TRMT11: variants seen among roughly 807,000 people sequenced by gnomAD.
The protein encoded by TRMT11 is tRNA methyltransferase 11.
TRMT11 carries 53 observed loss-of-function variants against 62.8 expected under a neutral mutation model. That is an observed-to-expected ratio of 0.84 (90% CI 0.68 to 1.06). TRMT11 has a LOEUF of 1.06. Ranked by LOEUF, TRMT11 falls within the 50% of genes least tolerant of loss-of-function variation. The pLI is 0.00. For synonymous variants in TRMT11, 188 were observed against 190.3 expected (o/e 0.99, Z 0.10); for missense variants, 556 against 553.4 (o/e 1.00, Z -0.05).
chr6:126,136,203 AT>A lies in TRMT11; in HGVS notation c.*1823+20357del, dbSNP rs578053238. ...GAAAGCAGGAAGTCAAATTATTATT[AT>A]TTTTTTTTGCAGAAGACTTGATCTT... is the stretch of plus-strand genomic sequence containing the variant. On this transcript the variant is annotated intron_variant and NMD_transcript_variant, in intron 21 of 22. Transcript: ENST00000648977. 2.1e-4 allele frequency among the ~76,000 whole-genome samples: 32 copies of A among 150,402 alleles called. No homozygotes were observed. In the South Asian group the frequency reaches 2.7e-3, roughly 13 times the overall value.
At chr6:126,233,267 T>C in the TRMT11 span, among the ~76,000 whole-genome samples, 1 of 152,198 alleles carries the variant, frequency 6.6e-6, no homozygotes, top group Non-Finnish European at 1.5e-5. Context: ...CAATATTAAC[T>C]ACTACAAGTT....
intron 21 of TRMT11, among the ~76,000 whole-genome samples, chr6:126,127,499 T>A (rs570420823): frequency 6.6e-6 from 1 of 152,220 alleles, no homozygotes; most frequent in African/African-American, 2.4e-5. Flanking sequence ...TTTTTTTTAA[T>A]TATACTTTAA....
chr6:126,110,439 AATTAC>A (rs1475208766), intron 17 of TRMT11, among the ~76,000 whole-genome samples: 1 of 152,164 alleles, frequency 6.6e-6, no homozygotes, highest in Non-Finnish European at 1.5e-5. Context: ...ACCAGAATAA[AATTAC>A]ATTAGAAAAT....
At chr6:126,243,563 A>C in the TRMT11 span, among the ~76,000 whole-genome samples, 1 of 152,224 alleles carries the variant, frequency 6.6e-6, no homozygotes, top group South Asian at 2.1e-4. Flanking sequence ...AGACTGGATT[A>C]AGAAAATGTG....
At chr6:126,143,072 T>C (rs955210469) in intron 21 of TRMT11, among the ~76,000 whole-genome samples, 5 of 152,062 alleles carry the variant, frequency 3.3e-5, no homozygotes, top group African/African-American at 1.2e-4. Context: ...TCAGAATAAA[T>C]AGACATTCAG....
chr6:126,240,291 T>C, the TRMT11 span, among the ~76,000 whole-genome samples: 2 of 152,230 alleles, frequency 1.3e-5, no homozygotes, highest in Non-Finnish European at 2.9e-5. Context: ...TGCTTTGATT[T>C]TTAGAGTTTC....
rs565209691 is a variant in TRMT11 at position 126,108,608 on chromosome 6, A to C, written c.*1438-4258A>C. 1.2e-4 allele frequency among the ~76,000 whole-genome samples: 19 copies of C among 152,314 alleles called. No individual in the cohort carries two copies. In the South Asian group the frequency reaches 3.7e-3, roughly 30 times the overall value. On this transcript the variant is annotated intron_variant and NMD_transcript_variant, in intron 17 of 22. Transcript: ENST00000648977. ...AAGAGCTGGAAATTGCACCCCAACA[A>C]TCCACTCTTCACTGAGCTGCACTCC...
At chr6:126,244,610 G>A in the TRMT11 span, among the ~76,000 whole-genome samples, 3 of 152,186 alleles carry the variant, frequency 2.0e-5, no homozygotes, top group South Asian at 2.1e-4. Flanking sequence ...TATCCACTTA[G>A]GGACGGATGG....
At chr6:126,010,592 A>G (rs1014042733) in intron 8 of TRMT11, among the ~76,000 whole-genome samples, 1 of 152,084 alleles carries the variant, frequency 6.6e-6, no homozygotes, top group Non-Finnish European at 1.5e-5. Flanking sequence ...TACCTGCTGA[A>G]TGTCCCCACT....
At chr6:126,081,621 A>G (rs1298514182) in intron 17 of TRMT11, among the ~76,000 whole-genome samples, 4 of 152,160 alleles carry the variant, frequency 2.6e-5, no homozygotes, top group East Asian at 1.9e-4. Context: ...ACCATGAATA[A>G]AGAGGTAAAA....
At chr6:126,155,885 T>C (rs916030849) in intron 21 of TRMT11, among the ~76,000 whole-genome samples, 5 of 151,476 alleles carry the variant, frequency 3.3e-5, no homozygotes, top group Non-Finnish European at 5.9e-5. Flanking sequence ...CATGCCCGGG[T>C]AATTTTTTTT....
At chr6:126,232,927 T>C in the TRMT11 span, among the ~76,000 whole-genome samples, 2 of 152,202 alleles carry the variant, frequency 1.3e-5, no homozygotes, top group Non-Finnish European at 2.9e-5. Context: ...CATTAAATGT[T>C]TCATTTTTTT....
intron 7 of TRMT11, among the ~76,000 whole-genome samples, chr6:126,004,858 CTAAA>C (rs1793115109): frequency 6.6e-6 from 1 of 152,006 alleles, no homozygotes; most frequent in South Asian, 2.1e-4. Flanking sequence ...CTTTTCATGC[CTAAA>C]TACTTTTCCT....
intron 1 of TRMT11, among the ~76,000 whole-genome samples, chr6:126,194,975 G>A (rs1243400679): frequency 6.6e-6 from 1 of 152,112 alleles, no homozygotes; most frequent in Non-Finnish European, 1.5e-5. Context: ...AATTAGCTGG[G>A]TGTGGTGGCA....
chr6:126,100,448 G>C (rs1298766719), intron 17 of TRMT11, among the ~76,000 whole-genome samples: 1 of 151,776 alleles, frequency 6.6e-6, no homozygotes. Flanking sequence ...TTCTTAGCTC[G>C]TTATTGTGTT....
chr6:126,178,940 A>G (rs966672800), intron 1 of TRMT11, among the ~76,000 whole-genome samples: 19 of 152,154 alleles, frequency 1.2e-4, no homozygotes, highest in Admixed American at 1.3e-4. Flanking sequence ...TCTTTAGATA[A>G]TTCTCTTTAT....
In TRMT11 at chr6:126,088,114, G is replaced by A. The variant is rs115305225; in HGVS notation, c.*1438-24752G>A. On this transcript the variant is annotated intron_variant and NMD_transcript_variant, in intron 17 of 22. Coordinates refer to the TRMT11 transcript ENST00000648977. ...TAGTATATAGTGTATATAGTACATAGTCTATATAGTATATATACTCTCTCT... is the reference window on the plus strand; with the variant it reads ...TAGTATATAGTGTATATAGTACATAATCTATATAGTATATATACTCTCTCT... Among the ~76,000 whole-genome samples the A allele has an allele frequency of 2.5e-3, 376 of 151,234 alleles. 1 individual carries two copies. The highest frequency in any genetic ancestry group is 8.6e-3 in the African/African-American group (350 of 40,870).
At chr6:125,991,021 C>T (rs1030904157) in intron 1 of TRMT11, among the ~76,000 whole-genome samples, 8 of 151,636 alleles carry the variant, frequency 5.3e-5, no homozygotes, top group Non-Finnish European at 2.9e-5. Flanking sequence ...CTGAGGCGGG[C>T]GGATCACAAG....
At chr6:126,084,519 G>GT (rs1490203621) in intron 17 of TRMT11, among the ~76,000 whole-genome samples, 2 of 152,130 alleles carry the variant, frequency 1.3e-5, no homozygotes, top group African/African-American at 4.8e-5. Context: ...ATAGGCTACT[G>GT]TTTCATTTTG....
Sources: allele counts gnomAD v4.1 joint callset (sites outside exome capture counted in the v4.1 genomes callset), GRCh38; gene constraint gnomAD v4.1.1; transcripts MANE v1.5; gene names NCBI Gene and HGNC (gene_info 2026-07-23, HGNC 2026-07-21).